TANC1: variants seen among roughly 807,000 people sequenced by gnomAD.
TANC1 encodes protein TANC1.
In TANC1, 77 loss-of-function variants were observed where a neutral mutation model predicts 149.7. The observed-to-expected ratio is 0.51, with a 90% CI of 0.43 to 0.62. The LOEUF (loss-of-function observed/expected upper bound fraction) is 0.62. Among genes scored for constraint, TANC1 ranks in the 20% least tolerant of loss-of-function variants. The pLI is 0.00. For missense variants in TANC1, 1,985 were observed against 2,321.8 expected, an observed-to-expected ratio of 0.85 and a Z score of 2.98; for synonymous variants, 854 against 925.0, an observed-to-expected ratio of 0.92 and a Z score of 1.39.
chr2:159,176,415 A>G lies in TANC1; in HGVS notation c.1799A>G (p.His600Arg), dbSNP rs749734367. 2 of 1,585,044 alleles carry G rather than the reference A, an allele frequency of 1.3e-6. No homozygotes were observed. The highest frequency in any genetic ancestry group is 1.7e-6 in the Non-Finnish European group (2 of 1,165,214). Residue 600 changes from histidine to arginine, a missense_variant, in exon 13 of 27, where the codon CAT becomes CGT. This residue lies in a region of TANC1 where 508 missense variants were observed against 714.2 expected (regional missense o/e 0.71). Transcript: ENST00000263635. ...GATGGCTTAAATGAAGCTGAGTTTCATAAACCTGATTATGGAGATACGCTT... is the reference window on the plus strand; with the variant it reads ...GATGGCTTAAATGAAGCTGAGTTTCGTAAACCTGATTATGGAGATACGCTT... The part of the protein sequence containing the change: ...LIDGLNEAEF[H>R]KPDYGDTLSS...
At chr2:159,163,162 TA>T in intron 7 of TANC1, 120 bp from the exon 8 acceptor site, 1 of 994,784 alleles carries the variant, frequency 1.0e-6, no homozygotes, top group Non-Finnish European at 1.5e-6. Context: ...CATACTTTGA[TA>T]AAAATCTGTG....
rs375530768 is a variant in TANC1, at chr2:159,224,339, G to T, written c.3786G>T (p.Ala1262=). 64 of 1,614,014 alleles carry T rather than the reference G, an allele frequency of 4.0e-5. No individual in the cohort carries two copies. The highest frequency in any genetic ancestry group is 5.3e-5 in the Non-Finnish European group (62 of 1,180,030). The part of the protein sequence containing the change: ...IGCRNTSVVV[A]LLRKGAKLGN... ...GCCGGAACACATCTGTAGTGGTGGC[G>T]CTACTCAGAAAGGGAGCCAAGTTAG... is the stretch of plus-strand genomic sequence containing the variant. Residue 1262 remains alanine (A), a synonymous_variant, in exon 23 of 27, where the codon GCG becomes GCT. Coordinates refer to ENST00000263635, the MANE Select transcript of TANC1 (RefSeq NM_033394.3).
chr2:159,172,011 G>T, intron 10 of TANC1, 110 bp from the exon 11 acceptor site: 1 of 1,111,818 alleles, frequency 9.0e-7, no homozygotes. Flanking sequence ...TTTGGACCAT[G>T]TTCACTCCTT....
chr2:158,968,981 T>G (rs781774271), intron 1 of TANC1, among the ~76,000 whole-genome samples, 199 bp downstream of exon 1: 1 of 151,558 alleles, frequency 6.6e-6, no homozygotes, highest in East Asian at 2.0e-4. Flanking sequence ...CACAGACATG[T>G]TGGGCGCCCC....
intron 14 of TANC1, among the ~76,000 whole-genome samples, chr2:159,182,963 A>G (rs2056642262): frequency 6.6e-6 from 1 of 152,258 alleles, no homozygotes; most frequent in African/African-American, 2.4e-5. Flanking sequence ...AAGACGTCGC[A>G]TCAGAATGAG....
At chr2:159,032,207 A>C (rs1347677149) in intron 2 of TANC1, among the ~76,000 whole-genome samples, 1 of 152,244 alleles carries the variant, frequency 6.6e-6, no homozygotes. Context: ...CCGTAAGAAA[A>C]GATGGATGAG....
At chr2:159,190,974 A>T (rs559217328) in intron 16 of TANC1, among the ~76,000 whole-genome samples, 1 of 152,354 alleles carries the variant, frequency 6.6e-6, no homozygotes, top group South Asian at 2.1e-4. Context: ...GTGGGGATTA[A>T]TTAAGTCATT....
At chr2:159,147,780 T>A (rs1263367482) in intron 5 of TANC1, 1 of 152,248 alleles carries the variant, frequency 6.6e-6, no homozygotes, top group East Asian at 1.9e-4. Flanking sequence ...CCATTCTTCC[T>A]ACTCCAAACA....
chr2:159,099,898 T>C (rs75559382), intron 4 of TANC1, among the ~76,000 whole-genome samples: 5,207 of 152,262 alleles, frequency 0.034, 148 homozygotes, highest in Non-Finnish European at 0.058. Flanking sequence ...TCCTACTGCA[T>C]TGGTCCCTAT....
chr2:159,007,509 C>T (rs1472519834), intron 2 of TANC1, among the ~76,000 whole-genome samples: 1 of 152,108 alleles, frequency 6.6e-6, no homozygotes, highest in Non-Finnish European at 1.5e-5. Context: ...TATTGTTTTA[C>T]AGTTGCCTAC....
intron 2 of TANC1, among the ~76,000 whole-genome samples, chr2:159,051,651 T>TGTG (rs2041474905): frequency 2.1e-5 from 3 of 142,968 alleles, no homozygotes; most frequent in South Asian, 2.4e-4. Flanking sequence ...GAAGTGGTGT[T>TGTG]TGTGTGTGTG....
Position 159,150,423 on chromosome 2 carries a change from C to A in TANC1, c.549C>A (p.Thr183=). Residue 183 remains threonine, a synonymous_variant, in exon 7 of 27, where the codon ACC becomes ACA. Coordinates refer to ENST00000263635, the MANE Select transcript of TANC1 (RefSeq NM_033394.3). ...ISPCSTLTSS[T]ASPSTDSPCS... ...CTTGCTCCACACTAACAAGCAGCACCGCATCTCCTAGCACCGATAGCCCCT... is the reference window on the plus strand; with the variant it reads ...CTTGCTCCACACTAACAAGCAGCACAGCATCTCCTAGCACCGATAGCCCCT... The A allele has an allele frequency of 6.2e-7, 1 of 1,614,120 alleles. No individual in the cohort carries two copies. The highest frequency in any genetic ancestry group is 1.1e-5 in the South Asian group (1 of 91,076).
chr2:159,205,595 G>C (rs1460225220), intron 19 of TANC1, among the ~76,000 whole-genome samples: 2 of 152,224 alleles, frequency 1.3e-5, no homozygotes, highest in Non-Finnish European at 2.9e-5. Flanking sequence ...AGGCTGTACA[G>C]CTTAGCAGTT....
At chr2:158,975,016 G>A (rs1479604492) in intron 1 of TANC1, among the ~76,000 whole-genome samples, 1 of 148,578 alleles carries the variant, frequency 6.7e-6, no homozygotes, top group African/African-American at 2.5e-5. Flanking sequence ...CTCTCAAAGT[G>A]CTGGGATTAC....
At chr2:159,046,589 C>CTTTTTTTTTTTTTTTT (rs57208685) in intron 2 of TANC1, among the ~76,000 whole-genome samples, 6 of 84,398 alleles carry the variant, frequency 7.1e-5, no homozygotes, top group South Asian at 1.2e-3. Context: ...CTTTTCTTTA[C>CTTTTTTTTTTTTTTTT]TTTTTTTTTT....
chr2:159,196,439 T>TTAGTACATCCAGA (rs1233983965), intron 17 of TANC1, among the ~76,000 whole-genome samples, 169 bp from the exon 18 acceptor site: 1 of 152,210 alleles, frequency 6.6e-6, no homozygotes, highest in Non-Finnish European at 1.5e-5. Flanking sequence ...TTCATTACCA[T>TTAGTACATCCAGA]CTGGAAGTAA....
At chr2:159,202,756 G>GT (rs2058331779) in intron 19 of TANC1, among the ~76,000 whole-genome samples, 1 of 152,140 alleles carries the variant, frequency 6.6e-6, no homozygotes, top group Admixed American at 6.5e-5. Context: ...CTGTTCCGTA[G>GT]TTTCTCGGCA....
At chr2:159,079,727 C>T (rs924737923) in intron 3 of TANC1, among the ~76,000 whole-genome samples, 1 of 152,176 alleles carries the variant, frequency 6.6e-6, no homozygotes, top group African/African-American at 2.4e-5. Flanking sequence ...CAGACAGTGC[C>T]ACTTAGGGTA....
intron 2 of TANC1, among the ~76,000 whole-genome samples, chr2:159,061,875 AG>A (rs2042259914): frequency 2.6e-5 from 4 of 152,180 alleles, no homozygotes; most frequent in African/African-American, 9.7e-5. Context: ...ATAGAGGCTA[AG>A]GTTTTATGGG....
Sources: gnomAD v4.1 joint callset for allele counts (sites outside exome capture counted in the v4.1 genomes callset) on GRCh38, gnomAD v4.1.1 for gene constraint, gnomAD v4.1.1 regional missense constraint, MANE v1.5 for transcripts, NCBI Gene and HGNC (gene_info 2026-07-23, HGNC 2026-07-21) for gene names.